Variants in KIF13B observed in about 807,000 individuals in gnomAD.
KIF13B encodes kinesin-like protein KIF13B.
Under a neutral mutation model 222.0 loss-of-function variants are expected in KIF13B, and 127 were observed. That is an observed-to-expected ratio of 0.57 (90% CI 0.50 to 0.66). The LOEUF is 0.66. Among genes scored for constraint, KIF13B ranks in the 30% least tolerant of loss-of-function variants. The pLI, the probability that KIF13B is intolerant of heterozygous loss-of-function variation, is 0.00. For missense variants in KIF13B, 2,173 were observed against 2,379.0 expected, an observed-to-expected ratio of 0.91 and a Z score of 1.80; for synonymous variants, 976 against 919.0, an observed-to-expected ratio of 1.06 and a Z score of -1.12.
At chr8:29,161,652 T>C (rs962984458) in intron 12 of KIF13B, among the ~76,000 whole-genome samples, 7 of 151,028 alleles carry the variant, frequency 4.6e-5, no homozygotes, top group Non-Finnish European at 8.8e-5. Flanking sequence ...GCCGAGATCA[T>C]GCCATTGTAC....
At chr8:29,246,922 C>T (rs1374921266) in intron 1 of KIF13B, among the ~76,000 whole-genome samples, 1 of 152,152 alleles carries the variant, frequency 6.6e-6, no homozygotes, top group Non-Finnish European at 1.5e-5. Flanking sequence ...TGGATCCCTA[C>T]CTCACATCAC....
intron 1 of KIF13B, among the ~76,000 whole-genome samples, chr8:29,245,908 T>G (rs1198243582): frequency 6.6e-6 from 1 of 152,030 alleles, no homozygotes; most frequent in Non-Finnish European, 1.5e-5. Flanking sequence ...GAAAGTGAAA[T>G]TAAGAAAACA....
intron 2 of KIF13B, 21 bp downstream of exon 2, chr8:29,245,325 C>T (rs1815973036): frequency 1.3e-6 from 2 of 1,517,560 alleles, no homozygotes; most frequent in African/African-American, 1.4e-5. Flanking sequence ...CCATTGAGCA[C>T]AGCACTGTTT....
At chr8:29,182,471 A>T (rs1812751131) in intron 6 of KIF13B, among the ~76,000 whole-genome samples, 1 of 152,232 alleles carries the variant, frequency 6.6e-6, no homozygotes, top group Non-Finnish European at 1.5e-5. Context: ...CACCATTGGA[A>T]AAAAGAGCCA....
At chr8:29,114,831 C>T (rs974897722) in intron 31 of KIF13B, among the ~76,000 whole-genome samples, 5 of 152,244 alleles carry the variant, frequency 3.3e-5, no homozygotes, top group East Asian at 3.9e-4. Context: ...CCTGTAGGGC[C>T]GGTGGTTGTG....
At chr8:29,170,505 C>G (rs1812190011) in intron 10 of KIF13B, among the ~76,000 whole-genome samples, 1 of 152,090 alleles carries the variant, frequency 6.6e-6, no homozygotes, top group South Asian at 2.1e-4. Flanking sequence ...AGAGCCAAAT[C>G]TTGAAAGGTT....
At chr8:29,255,753 T>C (rs1477562926) in intron 1 of KIF13B, among the ~76,000 whole-genome samples, 1 of 152,162 alleles carries the variant, frequency 6.6e-6, no homozygotes, top group African/African-American at 2.4e-5. Flanking sequence ...ATCCTGAAAA[T>C]GAACACTGAC....
chr8:29,133,955 T>A lies in KIF13B; in HGVS notation c.2784+85A>T. 2.3e-6 allele frequency: 3 copies of A among 1,311,960 alleles called. No homozygotes were observed. The South Asian group carries it at 4.3e-5, about 19-fold the overall frequency. 81.3% of individuals were successfully genotyped at this position (1,311,960 alleles called of 1,614,324 possible). On this transcript the variant is annotated intron_variant, in intron 22 of 39. Transcript: ENST00000524189. ...CTGCTCCAAGACATATAACGGCACA[T>A]TTAGTCAAAGAAACAAGGTTCATTT...
rs145391200 is a variant in KIF13B at position 29,187,775 on chromosome 8, G to C, written c.316+740C>G. ...TGTTATCATAATACCTAAAGCTAAT[G>C]TGCCACATTTCCTAAGTACCAGGAC... On this transcript the variant is annotated intron_variant, in intron 5 of 39. Transcript: ENST00000524189. 4.1e-3 allele frequency among the ~76,000 whole-genome samples: 619 copies of C among 152,262 alleles called. 5 individuals carry two copies. Among genetic ancestry groups the C allele is most frequent in the African/African-American group, 0.014 (566 of 41,544 alleles).
chr8:29,107,060 A>G (rs2133600094), intron 35 of KIF13B, among the ~76,000 whole-genome samples: 1 of 152,376 alleles, frequency 6.6e-6, no homozygotes. Flanking sequence ...TGAGTTCTCC[A>G]TGCTTAAAAC....
intron 29 of KIF13B, among the ~76,000 whole-genome samples, chr8:29,120,179 T>G (rs895558594): frequency 2.9e-4 from 44 of 149,972 alleles, no homozygotes; most frequent in African/African-American, 1.0e-3. Context: ...TTTTTTTTTT[T>G]TTTTTTTTTT....
At chr8:29,222,324 C>A (rs980087781) in intron 2 of KIF13B, among the ~76,000 whole-genome samples, 2 of 152,110 alleles carry the variant, frequency 1.3e-5, no homozygotes, top group African/African-American at 4.8e-5. Flanking sequence ...CACGGCACTG[C>A]ACTCCAGCTG....
At chr8:29,114,971 G>A (rs1809527132) in intron 31 of KIF13B, among the ~76,000 whole-genome samples, 1 of 152,226 alleles carries the variant, frequency 6.6e-6, no homozygotes, top group Non-Finnish European at 1.5e-5. Context: ...GGAAGACAGA[G>A]AGAGTGAATG....
At chr8:29,186,240 A>G in intron 6 of KIF13B, 52 bp downstream of exon 6, 1 of 1,413,906 alleles carries the variant, frequency 7.1e-7, no homozygotes, top group East Asian at 2.3e-5. Context: ...AAGCCAATTT[A>G]AGTCTGTTTC....
chr8:29,117,106 C>T, intron 30 of KIF13B, 99 bp from the exon 31 acceptor site: 2 of 1,031,898 alleles, frequency 1.9e-6, no homozygotes, highest in African/African-American at 3.2e-5. Flanking sequence ...AGGGCACATG[C>T]CAGTCACCAG....
chr8:29,083,896 A>G (rs1586753184), intron 37 of KIF13B, among the ~76,000 whole-genome samples: 1 of 151,666 alleles, frequency 6.6e-6, no homozygotes, highest in Non-Finnish European at 1.5e-5. Context: ...AAGGCTGGGA[A>G]CAAGGCCTAG....
rs1417872356 is a variant in KIF13B at position 29,071,788 on chromosome 8, C to T, written c.5050G>A (p.Gly1684Arg). ...EGNAPAPGAG[G>R]QALASDSEEA... is the part of the protein sequence containing the mutation. ...TCGGAATCAGAGGCCAGGGCCTGTC[C>T]CCCGGCGCCCGGGGCCGGCGCATTC... is the stretch of plus-strand genomic sequence containing the variant. Residue 1684 changes from glycine to arginine, a missense_variant, in exon 39 of 40, where the codon GGA becomes AGA. Coordinates refer to ENST00000524189, the MANE Select transcript of KIF13B (RefSeq NM_015254.4). This position sits in a 1 kb window ranked among gnomAD's most constrained non-coding sequence, Gnocchi z 4.9. The T allele has an allele frequency of 6.5e-7, 1 of 1,547,546 alleles. No homozygotes were observed. The highest frequency in any genetic ancestry group is 8.7e-7 in the Non-Finnish European group (1 of 1,146,364).
Position 29,142,279 on chromosome 8 carries a change from C to T in KIF13B, c.2212G>A (p.Ala738Thr). ...TTTCCTTTTCTTCTCACCTGGATTG[C>T]AGGCTCACTAAGAAGAGAGCCTCGC... Reference protein sequence around the residue: ...RKRGSLLSEPAIQVRRKGKGK... With the variant: ...RKRGSLLSEPTIQVRRKGKGK... Residue 738 changes from alanine to threonine, a missense_variant, in exon 19 of 40, where the codon GCA (alanine) becomes ACA (threonine). Physicochemically the swap from Ala to Thr is moderately conservative, Grantham distance 58. Coordinates refer to ENST00000524189, the MANE Select transcript of KIF13B (RefSeq NM_015254.4). The T allele has an allele frequency of 6.2e-7, 1 of 1,613,262 alleles. No individual in the cohort carries two copies. Among genetic ancestry groups the T allele is most frequent in the Non-Finnish European group, 8.5e-7 (1 of 1,179,498 alleles).
chr8:29,211,015 T>C (rs1000068270), intron 2 of KIF13B, among the ~76,000 whole-genome samples: 2 of 152,120 alleles, frequency 1.3e-5, no homozygotes, highest in Non-Finnish European at 1.5e-5. Flanking sequence ...CCTGCCACAA[T>C]GGCCCGGCAG....
Sources: gnomAD v4.1 joint callset for allele counts (sites outside exome capture counted in the v4.1 genomes callset) on GRCh38, gnomAD v4.1.1 for gene constraint, Gnocchi (gnomAD v3.1) non-coding constraint, MANE v1.5 for transcripts, NCBI Gene and HGNC (gene_info 2026-07-23, HGNC 2026-07-21) for gene names.